The following SIGLEC5 variants were observed in gnomAD, a reference collection of about 807,000 sequenced individuals.
The protein encoded by SIGLEC5 is sialic acid binding Ig like lectin 5.
Under a neutral mutation model 45.9 loss-of-function variants are expected in SIGLEC5, and 34 were observed. That is an observed-to-expected ratio of 0.74 (90% CI 0.56 to 0.99). SIGLEC5 has a LOEUF of 0.99. Among genes scored for constraint, SIGLEC5 ranks in the 50% least tolerant of loss-of-function variants. The probability of loss-of-function intolerance (pLI) is 0.00; values close to 1 mark genes in which losing one functional copy is unlikely to be tolerated. For missense variants in SIGLEC5, 508 were observed against 629.6 expected (o/e 0.81, Z 2.07); for synonymous variants, 203 against 258.6 (o/e 0.79, Z 2.06).
intron 8 of SIGLEC5, among the ~76,000 whole-genome samples, chr19:51,624,103 G>A (rs1002271358): frequency 2.0e-5 from 3 of 152,004 alleles, no homozygotes; most frequent in Non-Finnish European, 2.9e-5. Context: ...AGGTTGCAAT[G>A]AGCCGAGATC....
chr19:51,628,310 T>G (rs532789744), intron 4 of SIGLEC5, among the ~76,000 whole-genome samples: 115 of 152,280 alleles, frequency 7.6e-4, no homozygotes, highest in African/African-American at 2.7e-3. Flanking sequence ...AATATCTCAC[T>G]GGTACATGCC....
intron 8 of SIGLEC5, among the ~76,000 whole-genome samples, chr19:51,617,067 A>G (rs1176493160): frequency 6.6e-6 from 1 of 151,956 alleles, no homozygotes. Context: ...CATCCTGGCT[A>G]AGACGGTGAA....
At chr19:51,629,798 C>T in intron 2 of SIGLEC5, 35 bp downstream of exon 2, 2 of 1,312,860 alleles carry the variant, frequency 1.5e-6, no homozygotes, top group South Asian at 1.2e-5. Context: ...GGGGTCTCCA[C>T]GTCCCAGGGT....
rs1382379846 is a variant in SIGLEC5, at chr19:51,617,497, A to G, written c.1465-5075T>C. Among the ~76,000 whole-genome samples, 3 of 152,190 alleles carry G rather than the reference A, an allele frequency of 2.0e-5. No homozygotes were observed. The East Asian group carries it at 5.8e-4, about 29-fold the overall frequency. ...TACCTACAAATATGTGAGATTAAGA[A>G]TGACGTAAGATGTCTTAACAGCAAT... On this transcript the variant is annotated intron_variant, in intron 8 of 8. Transcript: ENST00000683636.
In SIGLEC5 at chr19:51,627,638, T is replaced by G. The variant is rs1378957765; in HGVS notation, c.1106A>C (p.Glu369Ala). ...PAPSLCWRLE[E>A]KPLEGNSSQG... ...GCTGCTGTTCCCCTCCAGCGGCTTC[T>G]CCTCAAGCCGCCAGCACAGGGAGGG... The change falls in exon 6 of 9, where the codon GAG becomes GCG. Residue 369 changes from glutamate to alanine, a missense_variant. Glu to Ala is a moderately radical substitution (Grantham distance 107, BLOSUM62 -1). Around this residue, in one of 2 missense-constraint regions of SIGLEC5, gnomAD observed 431 missense variants for 428.8 expected, o/e 1.01. Coordinates refer to ENST00000683636, the MANE Select transcript of SIGLEC5 (RefSeq NM_003830.4). 1 of 1,611,732 alleles carries G rather than the reference T, an allele frequency of 6.2e-7. No homozygotes were observed. The highest frequency in any genetic ancestry group is 1.7e-5 in the Admixed American group (1 of 59,760).
intron 8 of SIGLEC5, among the ~76,000 whole-genome samples, chr19:51,616,913 AAAAAAC>A (rs1186423697): frequency 8.6e-4 from 118 of 137,464 alleles, no homozygotes; most frequent in African/African-American, 2.4e-3. Context: ...TGTCAAAAAA[AAAAAAC>A]AAAAAAAAAA....
At chr19:51,617,971 A>AT (rs898230338) in intron 8 of SIGLEC5, among the ~76,000 whole-genome samples, 11 of 150,148 alleles carry the variant, frequency 7.3e-5, no homozygotes, top group Non-Finnish European at 1.5e-4. Flanking sequence ...AGAGATATTA[A>AT]TTTTTTTTTG....
chr19:51,628,425 G>A (rs1983586797), intron 4 of SIGLEC5, among the ~76,000 whole-genome samples: 1 of 152,188 alleles, frequency 6.6e-6, no homozygotes, highest in Non-Finnish European at 1.5e-5. Context: ...GGAAGGGTGA[G>A]AGAAGAACCA....
chr19:51,619,603 A>G (rs1983206121), intron 8 of SIGLEC5, among the ~76,000 whole-genome samples: 2 of 152,184 alleles, frequency 1.3e-5, no homozygotes. Flanking sequence ...AGAAATCACA[A>G]TGTTGTTTTA....
In SIGLEC5 at chr19:51,627,858, T is replaced by A; in HGVS notation, c.973A>T (p.Ile325Phe). The A allele has an allele frequency of 6.2e-7, 1 of 1,607,320 alleles. No homozygotes were observed. The highest frequency in any genetic ancestry group is 2.2e-5 in the East Asian group (1 of 44,812). Residue 325 changes from isoleucine to phenylalanine, a missense_variant, in exon 5 of 9, where the codon ATT (isoleucine) becomes TTT (phenylalanine). By Grantham distance (21) the Ile-to-Phe change is conservative (BLOSUM62 0). Coordinates refer to ENST00000683636, the MANE Select transcript of SIGLEC5 (RefSeq NM_003830.4). ...CAGTAAACTGAGAGATTCAGAAAAA[T>A]TTGCAGGAAGCCCAGCGGGTGCTGA... ...RAQHPLGFLQ[I>F]FLNLSVYSLP...
chr19:51,611,190 A>C lies in SIGLEC5; in HGVS notation c.*1041T>G, dbSNP rs774827982. Among the ~76,000 whole-genome samples the C allele has an allele frequency of 6.6e-6, 1 of 152,204 alleles. No individual in the cohort carries two copies. Among genetic ancestry groups the C allele is most frequent in the African/African-American group, 2.4e-5 (1 of 41,442 alleles). ...AACATTGTCATTTATCTGGGTTTGG[A>C]GATACCCTAGATAAGTAACTGGAGA... is the stretch of plus-strand genomic sequence containing the variant. On this transcript the variant is annotated 3_prime_UTR_variant, in exon 9 of 9. Coordinates refer to ENST00000683636, the MANE Select transcript of SIGLEC5 (RefSeq NM_003830.4).
At chr19:51,618,450 A>AAAAAAAAAAAAAAAAAAAC (rs1983149811) in intron 8 of SIGLEC5, among the ~76,000 whole-genome samples, 1 of 148,930 alleles carries the variant, frequency 6.7e-6, no homozygotes, top group South Asian at 2.1e-4. Flanking sequence ...GCCTAAAAAA[A>AAAAAAAAAAAAAAAAAAAC]AAAAAAAAAA....
intron 8 of SIGLEC5, among the ~76,000 whole-genome samples, chr19:51,625,713 C>T (rs544270697): frequency 3.7e-4 from 56 of 152,094 alleles, no homozygotes; most frequent in Non-Finnish European, 7.1e-4. Context: ...GCCTGTAATC[C>T]CAGCTACTTG....
In SIGLEC5 at chr19:51,611,271, G is replaced by T. The variant is rs1312941721; in HGVS notation, c.*960C>A. Among the ~76,000 whole-genome samples, 1 of 152,202 alleles carries T rather than the reference G, an allele frequency of 6.6e-6. No homozygotes were observed. Among genetic ancestry groups the T allele is most frequent in the African/African-American group, 2.4e-5 (1 of 41,452 alleles). On this transcript the variant is annotated 3_prime_UTR_variant, in exon 9 of 9. Coordinates refer to ENST00000683636, the MANE Select transcript of SIGLEC5 (RefSeq NM_003830.4). ...AAAAATAAATTAGTTCAATTTTAGA[G>T]GAGGGAGAGTATAAGTTCTTTCTTC...
intron 8 of SIGLEC5, among the ~76,000 whole-genome samples, chr19:51,618,792 CAAAAAAAAAAAA>C (rs398035001): frequency 1.4e-4 from 7 of 48,314 alleles, no homozygotes; most frequent in Admixed American, 3.4e-4. Context: ...ACTCTGTCTC[CAAAAAAAAAAAA>C]AAAAAAAAAA....
intron 4 of SIGLEC5, 58 bp from the exon 5 acceptor site, chr19:51,628,149 A>C: frequency 1.4e-6 from 2 of 1,466,126 alleles, no homozygotes; most frequent in South Asian, 1.5e-5. Context: ...GACAGTCCCT[A>C]TCCTTCCCTC....
At chr19:51,628,816 T>C (rs1041548045) in intron 4 of SIGLEC5, among the ~76,000 whole-genome samples, 1 of 144,924 alleles carries the variant, frequency 6.9e-6, no homozygotes, top group African/African-American at 2.6e-5. Flanking sequence ...TATATGCATG[T>C]GTGTGTGTGC....
chr19:51,625,993 G>C, intron 8 of SIGLEC5, 39 bp downstream of exon 8: 1 of 1,547,468 alleles, frequency 6.5e-7, no homozygotes, highest in South Asian at 1.1e-5. Flanking sequence ...TGGACTTTCC[G>C]AGTGGACATG....
At chr19:51,617,923 T>C (rs1408512544) in intron 8 of SIGLEC5, among the ~76,000 whole-genome samples, 1 of 151,640 alleles carries the variant, frequency 6.6e-6, no homozygotes, top group Non-Finnish European at 1.5e-5. Flanking sequence ...CCAAGAGATA[T>C]AAAAGCGCAC....
Sources: allele counts gnomAD v4.1 joint callset (sites outside exome capture counted in the v4.1 genomes callset), GRCh38; gene constraint gnomAD v4.1.1; regional missense constraint gnomAD v4.1.1; transcripts MANE v1.5; gene names NCBI Gene and HGNC (gene_info 2026-07-23, HGNC 2026-07-21).